Variants in RNF34 observed in about 807,000 individuals in gnomAD.
The protein encoded by RNF34 is ring finger protein 34.
A neutral mutation model predicts 37.9 loss-of-function variants in RNF34; 12 were observed. The observed-to-expected ratio is 0.32, with a 90% CI of 0.20 to 0.51. RNF34 has a LOEUF of 0.51. Ranked by LOEUF, RNF34 falls within the 20% of genes least tolerant of loss-of-function variation. The probability of loss-of-function intolerance (pLI) is 0.97; values close to 1 mark genes in which losing one functional copy is unlikely to be tolerated. For synonymous variants in RNF34, 155 were observed against 177.2 expected (o/e 0.87, Z 1.00); for missense variants, 362 against 472.7 (o/e 0.77, Z 2.17).
At position 121,420,634 on chromosome 12, in the gene RNF34, G is replaced by T. The variant is rs1872046419; in HGVS notation, c.784G>T (p.Asp262Tyr). ...RASLSDLSSL[D>Y]DVEGMSVRQL... ...TTCACTGTCTGACTTGTCAAGCCTT[G>T]ATGATGTGGAAGGAATGAGCGTGCG... The change falls in exon 5 of 6, where the codon GAT (aspartate) becomes TAT (tyrosine). Residue 262 changes from aspartate (D) to tyrosine (Y), a missense_variant. By Grantham distance (160) the Asp-to-Tyr change is radical (BLOSUM62 -3). Coordinates refer to ENST00000361234, the MANE Select transcript of RNF34 (RefSeq NM_025126.4). 6.2e-7 allele frequency: 1 copy of T among 1,614,172 alleles called. No homozygotes were observed. Among genetic ancestry groups the T allele is most frequent in the Admixed American group, 1.7e-5 (1 of 60,018 alleles).
intron 4 of RNF34, 21 bp downstream of exon 4, chr12:121,420,355 T>C: frequency 2.6e-6 from 4 of 1,555,440 alleles, no homozygotes; most frequent in Non-Finnish European, 3.5e-6. Flanking sequence ...CTATAAAATT[T>C]GGTTTCCCTG....
At chr12:121,404,620 AC>A (rs1870346455) in intron 1 of RNF34, among the ~76,000 whole-genome samples, 1 of 151,600 alleles carries the variant, frequency 6.6e-6, no homozygotes, top group Admixed American at 6.6e-5. Context: ...TGAACTCCTG[AC>A]CTCAAGTGAT....
intron 1 of RNF34, among the ~76,000 whole-genome samples, chr12:121,404,640 C>T (rs1870348796): frequency 6.6e-6 from 1 of 151,974 alleles, no homozygotes; most frequent in African/African-American, 2.4e-5. Flanking sequence ...ATTCTGGCCT[C>T]CTAAAGTGCT....
intron 1 of RNF34, among the ~76,000 whole-genome samples, chr12:121,410,675 A>G (rs1870977040): frequency 6.6e-6 from 1 of 152,138 alleles, no homozygotes; most frequent in South Asian, 2.1e-4. Flanking sequence ...CTCAGAGATG[A>G]TAACTATAAG....
chr12:121,409,067 C>T (rs564067256), intron 1 of RNF34, among the ~76,000 whole-genome samples: 2 of 152,132 alleles, frequency 1.3e-5, no homozygotes, highest in South Asian at 4.1e-4. Context: ...GCAACCTCCA[C>T]CTCCCAGGTT....
In RNF34 at chr12:121,417,412, CTA is replaced by C. The variant is rs1165326725; in HGVS notation, c.226-91_226-90del. ...GTGCCACTGGGGACTTCACTAAGAA[CTA>C]AAATTAAATTTTAGTAGAAGGCAGA... On this transcript the variant is annotated intron_variant, in intron 2 of 5. Coordinates refer to ENST00000361234, the MANE Select transcript of RNF34 (RefSeq NM_025126.4). The surrounding 1 kb of genome is among the most constrained non-coding windows in gnomAD (Gnocchi z 5.0). 8.6e-7 allele frequency: 1 copy of C among 1,162,300 alleles called. No homozygotes were observed. Among genetic ancestry groups the C allele is most frequent in the Non-Finnish European group, 1.2e-6 (1 of 824,386 alleles). The allele number at this position is 1,162,300 out of a possible 1,614,324, so 72.0% of individuals were successfully genotyped here.
rs76542175 is a variant in RNF34, at chr12:121,414,340, T to C, written c.7-1819T>C. The stretch of plus-strand genomic sequence containing the variant: ...AAAAGCCTATTCGTTCTAAACACTA[T>C]AGCTTTTATTTTAAGCATGGGAAAA... On this transcript the variant is annotated intron_variant, in intron 1 of 5. Transcript: ENST00000361234. Among the ~76,000 whole-genome samples the C allele has an allele frequency of 4.3e-3, 652 of 152,362 alleles. 4 individuals are homozygous for C. Among genetic ancestry groups the C allele is most frequent in the Non-Finnish European group, 7.1e-3 (485 of 68,028 alleles).
At chr12:121,420,017 T>TAC (rs1191037017) in intron 3 of RNF34, 23 of 453,106 alleles carry the variant, frequency 5.1e-5, no homozygotes, top group Admixed American at 2.7e-4. Flanking sequence ...TTTATAACTT[T>TAC]ACACACACAC....
At chr12:121,404,458 C>T in intron 1 of RNF34, among the ~76,000 whole-genome samples, 1 of 139,946 alleles carries the variant, frequency 7.1e-6, no homozygotes, top group East Asian at 2.1e-4. Flanking sequence ...GCGGTGGCAC[C>T]ATCTCAGCTT....
chr12:121,421,464 G>C (rs1260527641), intron 5 of RNF34, among the ~76,000 whole-genome samples: 2 of 151,456 alleles, frequency 1.3e-5, no homozygotes, highest in African/African-American at 4.9e-5. Context: ...GAGGGGGGAG[G>C]ATTGCTTGAG....
chr12:121,402,723 CT>C (rs377482605), intron 1 of RNF34: 231 of 1,502,738 alleles, frequency 1.5e-4, no homozygotes, highest in Admixed American at 3.2e-4. Flanking sequence ...ATTCCTTTTC[CT>C]TTTTTTTTCT....
At chr12:121,404,415 G>C (rs12314670) in intron 1 of RNF34, among the ~76,000 whole-genome samples, 1 of 43,194 alleles carries the variant, frequency 2.3e-5, no homozygotes, top group African/African-American at 7.8e-5. Flanking sequence ...TTTTTTTTGA[G>C]ATGGAGTCTC....
At chr12:121,406,683 A>G (rs1555280729) in intron 1 of RNF34, among the ~76,000 whole-genome samples, 1 of 152,178 alleles carries the variant, frequency 6.6e-6, no homozygotes. Context: ...GCTTTGGCTT[A>G]AGAGAGTGGG....
chr12:121,407,756 C>G (rs182932415), intron 1 of RNF34, among the ~76,000 whole-genome samples: 126 of 152,278 alleles, frequency 8.3e-4, no homozygotes, highest in African/African-American at 2.9e-3. Flanking sequence ...AGAACATGAA[C>G]TTAGGTCTCT....
Position 121,420,310 on chromosome 12 carries a change from T to G in RNF34, c.702T>G (p.Asp234Glu). ...DDDDDDEDDD[D>E]EEENAEDRNP... The stretch of plus-strand genomic sequence containing the variant: ...ACGACGATGATGAGGATGATGATGA[T>G]GAAGAAGAAAACGCAGAGGATCGGG... The change falls in exon 4 of 6, where the codon GAT becomes GAG. Residue 234 changes from aspartate (D) to glutamate (E), a missense_variant. By Grantham distance (45) the Asp-to-Glu change is conservative. Transcript: ENST00000361234. 6.3e-7 allele frequency: 1 copy of G among 1,579,788 alleles called. No homozygotes were observed. Among genetic ancestry groups the G allele is most frequent in the Non-Finnish European group, 8.6e-7 (1 of 1,161,464 alleles).
intron 1 of RNF34, among the ~76,000 whole-genome samples, chr12:121,401,105 G>T (rs782512887): frequency 5.3e-5 from 8 of 152,014 alleles, no homozygotes; most frequent in Non-Finnish European, 1.2e-4. Context: ...TCTAGCAGGT[G>T]AGCTGCTAGA....
intron 1 of RNF34, among the ~76,000 whole-genome samples, chr12:121,410,126 C>T (rs1390226434): frequency 6.6e-6 from 1 of 151,536 alleles, no homozygotes; most frequent in Non-Finnish European, 1.5e-5. Flanking sequence ...CGCACTCCAA[C>T]CTGGGCAACA....
chr12:121,410,321 G>A (rs1433212090), intron 1 of RNF34, among the ~76,000 whole-genome samples: 2 of 152,144 alleles, frequency 1.3e-5, no homozygotes, highest in Non-Finnish European at 2.9e-5. Context: ...GGCGGATTAC[G>A]AGGTCAGGAG....
chr12:121,409,355 G>A (rs1870834822), intron 1 of RNF34: 2 of 152,176 alleles, frequency 1.3e-5, no homozygotes, highest in Admixed American at 6.5e-5. Flanking sequence ...TCCCACAACA[G>A]AAAAACATGT....
Sources: allele counts gnomAD v4.1 joint callset (sites outside exome capture counted in the v4.1 genomes callset), GRCh38; gene constraint gnomAD v4.1.1; non-coding constraint Gnocchi (gnomAD v3.1); transcripts MANE v1.5; gene names NCBI Gene and HGNC (gene_info 2026-07-23, HGNC 2026-07-21).